UNC5D: variants seen among roughly 807,000 people sequenced by gnomAD.
The protein encoded by UNC5D is unc-5 netrin receptor D, also known as netrin receptor UNC5D.
A neutral mutation model predicts 105.4 loss-of-function variants in UNC5D; 39 were observed. The observed-to-expected ratio is 0.37, with a 90% CI of 0.29 to 0.48. The LOEUF is 0.48. UNC5D is among the 20% of genes least tolerant of loss of function. UNC5D has a pLI of 0.98. For missense variants in UNC5D, 991 were observed against 1,202.4 expected, an observed-to-expected ratio of 0.82 and a Z score of 2.60; for synonymous variants, 452 against 450.4, an observed-to-expected ratio of 1.00 and a Z score of -0.04.
At chr8:35,443,778 T>A (rs1807591274) in intron 1 of UNC5D, among the ~76,000 whole-genome samples, 1 of 152,020 alleles carries the variant, frequency 6.6e-6, no homozygotes. Context: ...ACTTAGGATA[T>A]AATATAGAAT....
At chr8:35,510,601 C>T (rs1812640841) in intron 1 of UNC5D, among the ~76,000 whole-genome samples, 1 of 152,112 alleles carries the variant, frequency 6.6e-6, no homozygotes, top group Admixed American at 6.5e-5. Context: ...TATTTGATTC[C>T]ACCATATCCT....
intron 1 of UNC5D, among the ~76,000 whole-genome samples, chr8:35,472,230 T>C (rs1809786082): frequency 2.0e-5 from 3 of 152,102 alleles, no homozygotes; most frequent in Admixed American, 6.6e-5. Flanking sequence ...AGCAGAGTTG[T>C]GTAGGGGATG....
intron 10 of UNC5D, 128 bp downstream of exon 10, chr8:35,726,657 C>T: frequency 7.2e-6 from 10 of 1,381,234 alleles, no homozygotes; most frequent in Non-Finnish European, 9.8e-6. Flanking sequence ...CACTGCGGCT[C>T]CACTAGTCCA....
chr8:35,570,247 G>A (rs1013903958), intron 3 of UNC5D, among the ~76,000 whole-genome samples: 8 of 152,216 alleles, frequency 5.3e-5, no homozygotes, highest in African/African-American at 1.7e-4. Flanking sequence ...TCACACATGC[G>A]TCGCATGGGG....
intron 1 of UNC5D, among the ~76,000 whole-genome samples, chr8:35,403,951 C>A (rs1453900180): frequency 6.6e-6 from 1 of 152,120 alleles, no homozygotes; most frequent in Non-Finnish European, 1.5e-5. Context: ...CAAGTCATAT[C>A]TCATGCCAGC....
chr8:35,602,640 G>A (rs937285978), intron 4 of UNC5D, among the ~76,000 whole-genome samples: 2 of 152,100 alleles, frequency 1.3e-5, no homozygotes, highest in Admixed American at 1.3e-4. Context: ...GGGATTGGTG[G>A]TGATATCCCC....
At chr8:35,321,890 A>G (rs1809774642) in intron 1 of UNC5D, among the ~76,000 whole-genome samples, 1 of 152,116 alleles carries the variant, frequency 6.6e-6, no homozygotes. Context: ...TTAACAAACC[A>G]TGTGGTGCAG....
chr8:35,517,798 G>C (rs894007810), intron 1 of UNC5D, among the ~76,000 whole-genome samples: 2 of 152,146 alleles, frequency 1.3e-5, no homozygotes, highest in African/African-American at 4.8e-5. Flanking sequence ...TTTATTTCTT[G>C]TAGTTCTGGA....
At chr8:35,353,222 C>T (rs930545691) in intron 1 of UNC5D, among the ~76,000 whole-genome samples, 1 of 152,104 alleles carries the variant, frequency 6.6e-6, no homozygotes, top group East Asian at 1.9e-4. Flanking sequence ...GAAAAACCAG[C>T]AACTCAATAC....
chr8:35,612,777 G>A (rs1183374223), intron 4 of UNC5D, among the ~76,000 whole-genome samples: 1 of 117,994 alleles, frequency 8.5e-6, no homozygotes, highest in East Asian at 2.6e-4. Flanking sequence ...TCCTACAAAG[G>A]TTTTGTAAAA....
At chr8:35,372,775 A>T (rs1802496931) in intron 1 of UNC5D, among the ~76,000 whole-genome samples, 1 of 151,846 alleles carries the variant, frequency 6.6e-6, no homozygotes, top group Non-Finnish European at 1.5e-5. Flanking sequence ...AGCTAATTTA[A>T]AACACACTTT....
In UNC5D at chr8:35,428,599, C is replaced by T. The variant is rs541564527; in HGVS notation, c.104-120693C>T. On this transcript the variant is annotated intron_variant, in intron 1 of 16. Coordinates refer to ENST00000404895, the MANE Select transcript of UNC5D (RefSeq NM_080872.4). ...ATAAGAACCCTATGCTGATGTTTGG[C>T]GGCTATGATACACATGCACACTCTC... Among the ~76,000 whole-genome samples, 290 of 152,042 alleles carry T rather than the reference C, an allele frequency of 1.9e-3. 2 individuals are homozygous for T. Among genetic ancestry groups the T allele is most frequent in the South Asian group, 3.5e-3 (17 of 4,814 alleles).
At chr8:35,625,266 C>G (rs1275334922) in intron 4 of UNC5D, among the ~76,000 whole-genome samples, 1 of 152,096 alleles carries the variant, frequency 6.6e-6, no homozygotes, top group Non-Finnish European at 1.5e-5. Flanking sequence ...CTTATAGGTG[C>G]TCTTTTATCA....
At chr8:35,271,174 T>A (rs1233542178) in intron 1 of UNC5D, among the ~76,000 whole-genome samples, 1 of 149,542 alleles carries the variant, frequency 6.7e-6, no homozygotes, top group Non-Finnish European at 1.5e-5. Flanking sequence ...AACAAATATA[T>A]TTGTATATAT....
At chr8:35,257,657 A>G (rs890395926) in intron 1 of UNC5D, among the ~76,000 whole-genome samples, 3 of 152,234 alleles carry the variant, frequency 2.0e-5, no homozygotes, top group East Asian at 1.9e-4. Flanking sequence ...TTGTCGCCTC[A>G]GGTAAAATCA....
At chr8:35,449,114 G>A (rs763012969) in intron 1 of UNC5D, among the ~76,000 whole-genome samples, 6 of 152,166 alleles carry the variant, frequency 3.9e-5, no homozygotes, top group Non-Finnish European at 8.8e-5. Context: ...TTAAACTGAT[G>A]ACATATCTTT....
intron 14 of UNC5D, among the ~76,000 whole-genome samples, chr8:35,763,307 C>T (rs1801625211): frequency 1.3e-5 from 2 of 152,120 alleles, no homozygotes; most frequent in South Asian, 4.1e-4. Context: ...TGCTAATTCT[C>T]ATGTCTTTCT....
chr8:35,412,383 G>C (rs1805232599), intron 1 of UNC5D, among the ~76,000 whole-genome samples: 1 of 151,768 alleles, frequency 6.6e-6, no homozygotes, highest in East Asian at 1.9e-4. Flanking sequence ...CAAATGATTT[G>C]ACAGAGACTT....
At chr8:35,411,233 T>C (rs1376868967) in intron 1 of UNC5D, among the ~76,000 whole-genome samples, 1 of 152,076 alleles carries the variant, frequency 6.6e-6, no homozygotes, top group Non-Finnish European at 1.5e-5. Context: ...TTTATCTTGG[T>C]GTAAAATGCT....
Sources: allele counts gnomAD v4.1 joint callset (sites outside exome capture counted in the v4.1 genomes callset), GRCh38; gene constraint gnomAD v4.1.1; transcripts MANE v1.5; gene names NCBI Gene and HGNC (gene_info 2026-07-23, HGNC 2026-07-21).